DAAM1: variants seen among roughly 807,000 people sequenced by gnomAD.
The protein encoded by DAAM1 is disheveled-associated activator of morphogenesis 1.
A neutral mutation model predicts 130.0 loss-of-function variants in DAAM1; 52 were observed. That is an observed-to-expected ratio of 0.40 (90% CI 0.32 to 0.50). The LOEUF (loss-of-function observed/expected upper bound fraction) is 0.50, where lower values mean the gene tolerates loss of function less well. Ranked by LOEUF, DAAM1 falls within the 20% of genes least tolerant of loss-of-function variation. The probability of loss-of-function intolerance (pLI) is 0.61; values close to 1 mark genes in which losing one functional copy is unlikely to be tolerated. For synonymous variants in DAAM1, 452 were observed against 444.5 expected, an observed-to-expected ratio of 1.02 and a Z score of -0.21; for missense variants, 1,134 against 1,303.8, an observed-to-expected ratio of 0.87 and a Z score of 2.01.
intron 3 of DAAM1, chr14:59,299,770 T>G (rs951311135): frequency 2.0e-5 from 3 of 152,210 alleles, no homozygotes; most frequent in Admixed American, 2.0e-4. Flanking sequence ...AAATGCAGTC[T>G]GTTGGCTTCT....
chr14:59,326,697 G>A (rs1885217470), intron 11 of DAAM1, 49 bp downstream of exon 11: 1 of 1,595,312 alleles, frequency 6.3e-7, no homozygotes, highest in African/African-American at 1.4e-5. Flanking sequence ...GACAATGTAA[G>A]ATATTTATTT....
chr14:59,370,419 G>A lies in DAAM1; in HGVS notation c.*1560G>A, dbSNP rs1460560551. On this transcript the variant is annotated 3_prime_UTR_variant, in exon 25 of 25. Coordinates refer to ENST00000360909, the MANE Select transcript of DAAM1 (RefSeq NM_001270520.2). The stretch of plus-strand genomic sequence containing the variant: ...GCCCCCAAAGAGCTTATATTCTAAT[G>A]GGGATATTAAGGGATGAATAGAATA... 1 of 151,946 alleles carries A rather than the reference G, an allele frequency of 6.6e-6. No homozygotes were observed. The highest frequency in any genetic ancestry group is 2.4e-5 in the African/African-American group (1 of 41,380). The allele number at this position is 151,946 out of a possible 1,614,324, so 9.4% of individuals were successfully genotyped here. A position where few individuals can be genotyped will look rare whatever the true frequency, so the allele number is the denominator to read the frequency against.
intron 1 of DAAM1, among the ~76,000 whole-genome samples, chr14:59,204,159 G>T (rs538783381): frequency 1.3e-5 from 2 of 152,332 alleles, no homozygotes; most frequent in Non-Finnish European, 1.5e-5. Flanking sequence ...TGGCTTAGTA[G>T]TCTGCACATG....
intron 1 of DAAM1, among the ~76,000 whole-genome samples, chr14:59,226,048 CTGA>C (rs1334420418): frequency 6.6e-6 from 1 of 152,072 alleles, no homozygotes. Context: ...TTTCAGTTGC[CTGA>C]TGATAATTTT....
chr14:59,191,152 T>C (rs4533186), intron 1 of DAAM1, among the ~76,000 whole-genome samples: 86,150 of 151,980 alleles, frequency 0.57, 24,457 homozygotes, highest in East Asian at 0.65. Context: ...TGAGAGTGTC[T>C]GTGCATGTGT....
intron 1 of DAAM1, among the ~76,000 whole-genome samples, chr14:59,208,250 T>C (rs1052569572): frequency 6.6e-6 from 1 of 152,136 alleles, no homozygotes; most frequent in Non-Finnish European, 1.5e-5. Context: ...CCAAGGGGAC[T>C]CCCAGAGAAA....
intron 20 of DAAM1, among the ~76,000 whole-genome samples, chr14:59,357,511 G>T (rs1886529881): frequency 1.3e-5 from 2 of 152,190 alleles, no homozygotes; most frequent in Non-Finnish European, 2.9e-5. Flanking sequence ...GGGTGCAGTG[G>T]CTCACACCTG....
At position 59,369,341 on chromosome 14, in the gene DAAM1, T is replaced by G. The variant is rs928890207; in HGVS notation, c.*482T>G. ...TGGAACTGGAGTTGTTGGAAAAACATAGATTTAAAATGATTTTTGATAGCT... is the reference window on the plus strand; with the variant it reads ...TGGAACTGGAGTTGTTGGAAAAACAGAGATTTAAAATGATTTTTGATAGCT... On this transcript the variant is annotated 3_prime_UTR_variant, in exon 25 of 25. Coordinates refer to ENST00000360909, the MANE Select transcript of DAAM1 (RefSeq NM_001270520.2). 3.3e-5 allele frequency: 5 copies of G among 153,156 alleles called. No homozygotes were observed. Among genetic ancestry groups the G allele is most frequent in the Non-Finnish European group, 7.3e-5 (5 of 68,434 alleles). 9.5% of individuals were successfully genotyped at this position (153,156 alleles called of 1,614,324 possible).
In DAAM1 at chr14:59,359,406, C is replaced by A; in HGVS notation, c.2535C>A (p.Thr845=). The A allele has an allele frequency of 6.2e-7, 1 of 1,609,380 alleles. No homozygotes were observed. Among genetic ancestry groups the A allele is most frequent in the Non-Finnish European group, 8.5e-7 (1 of 1,176,568 alleles). The part of the protein sequence containing the change: ...DTKSSIDKNI[T]LLHYLITIVE... ...CCTTCTTCAATTGTAGAAACATTAC[C>A]CTTTTGCACTATCTCATCACTATTG... is the stretch of plus-strand genomic sequence containing the variant. Residue 845 remains threonine, a synonymous_variant, in exon 21 of 25, where the codon ACC becomes ACA. Coordinates refer to ENST00000360909, the MANE Select transcript of DAAM1 (RefSeq NM_001270520.2).
chr14:59,329,411 T>A (rs962551686), intron 12 of DAAM1, among the ~76,000 whole-genome samples: 3 of 152,192 alleles, frequency 2.0e-5, no homozygotes, highest in Non-Finnish European at 4.4e-5. Flanking sequence ...AGTGGATTGC[T>A]GACAAAATCC....
At chr14:59,354,268 G>A (rs1024605908) in intron 19 of DAAM1, among the ~76,000 whole-genome samples, 3 of 152,178 alleles carry the variant, frequency 2.0e-5, no homozygotes, top group African/African-American at 7.2e-5. Flanking sequence ...CACCACGTTA[G>A]CCAGGATGGT....
At chr14:59,237,975 G>C (rs1889354278) in intron 1 of DAAM1, among the ~76,000 whole-genome samples, 1 of 152,152 alleles carries the variant, frequency 6.6e-6, no homozygotes, top group Non-Finnish European at 1.5e-5. Context: ...TTCCATCATT[G>C]AAGCCATTTA....
chr14:59,355,443 G>A (rs1886440159), intron 20 of DAAM1, 110 bp downstream of exon 20: 1 of 1,334,422 alleles, frequency 7.5e-7, no homozygotes, highest in Non-Finnish European at 1.0e-6. Flanking sequence ...TCTTCAGTTG[G>A]AACTTCTCTT....
At chr14:59,280,535 CTTTTTTTTTTTT>C (rs35354608) in intron 2 of DAAM1, among the ~76,000 whole-genome samples, 2 of 90,658 alleles carry the variant, frequency 2.2e-5, no homozygotes, top group African/African-American at 8.5e-5. Context: ...GCACACCTTC[CTTTTTTTTTTTT>C]TTTTTTTTTT....
Position 59,366,780 on chromosome 14 carries a change from G to A in DAAM1, c.2827-649G>A, listed in dbSNP as rs1005025362. Among the ~76,000 whole-genome samples the A allele has an allele frequency of 2.6e-4, 40 of 152,188 alleles. 1 individual carries two copies. Among genetic ancestry groups the A allele is most frequent in the Admixed American group, 2.0e-3 (31 of 15,284 alleles). Reference sequence around the variant, plus strand: ...TATATTTGACTCAGCCGGGTGCAGCGGCACATGCCTATAGTCCCAGCTACT... The same window carrying A: ...TATATTTGACTCAGCCGGGTGCAGCAGCACATGCCTATAGTCCCAGCTACT... On this transcript the variant is annotated intron_variant, in intron 23 of 24. Transcript: ENST00000360909.
In DAAM1 at chr14:59,371,353, G is replaced by GT. The variant is rs1051294629; in HGVS notation, c.*2501dup. The GT allele has an allele frequency of 5.3e-5, 8 of 151,564 alleles. No individual in the cohort carries two copies. The highest frequency in any genetic ancestry group is 4.1e-4 in the South Asian group (2 of 4,828). The allele number at this position is 151,564 out of a possible 1,614,324, so 9.4% of individuals were successfully genotyped here. A position where few individuals can be genotyped will look rare whatever the true frequency, so the allele number is the denominator to read the frequency against. On this transcript the variant is annotated 3_prime_UTR_variant, in exon 25 of 25. Coordinates refer to ENST00000360909, the MANE Select transcript of DAAM1 (RefSeq NM_001270520.2). ...AAGTATGTGTTATGAGACTGTACAT[G>GT]TTTTTTTAAAAATAGCAATATGCAA...
At position 59,355,185 on chromosome 14, in the gene DAAM1, G is replaced by A; in HGVS notation, c.2377G>A (p.Glu793Lys). ...TGAAGCAATTCGTTCTGGCTCAGAA[G>A]AGGTGTTTAGGAGTGGTGCCCTCAA... ...KVEAIRSGSE[E>K]VFRSGALKQL... The change falls in exon 20 of 25, where the codon GAG (glutamate) becomes AAG (lysine). Residue 793 changes from glutamate to lysine, a missense_variant. This residue lies in a region of DAAM1 where 644 missense variants were observed against 695.9 expected (regional missense o/e 0.93). Coordinates refer to ENST00000360909, the MANE Select transcript of DAAM1 (RefSeq NM_001270520.2). The A allele has an allele frequency of 6.2e-7, 1 of 1,613,274 alleles. No homozygotes were observed. The highest frequency in any genetic ancestry group is 8.5e-7 in the Non-Finnish European group (1 of 1,179,646).
chr14:59,191,215 T>TA (rs1887720411), intron 1 of DAAM1, among the ~76,000 whole-genome samples: 2 of 152,182 alleles, frequency 1.3e-5, no homozygotes, highest in East Asian at 3.8e-4. Context: ...GGTTGACACT[T>TA]ACGATCTTAT....
chr14:59,273,101 CT>C (rs754968224), intron 2 of DAAM1, among the ~76,000 whole-genome samples: 15 of 152,216 alleles, frequency 9.9e-5, no homozygotes, highest in Non-Finnish European at 1.6e-4. Flanking sequence ...GAAGTCCTGT[CT>C]GCTTAGAGAC....
Sources: gnomAD v4.1 joint callset for allele counts (sites outside exome capture counted in the v4.1 genomes callset) on GRCh38, gnomAD v4.1.1 for gene constraint, gnomAD v4.1.1 regional missense constraint, MANE v1.5 for transcripts, NCBI Gene and HGNC (gene_info 2026-07-23, HGNC 2026-07-21) for gene names.